Variants in CDH20 observed in about 807,000 individuals in gnomAD.
CDH20 encodes cadherin-20.
Under a neutral mutation model 74.2 loss-of-function variants are expected in CDH20, and 29 were observed. The observed-to-expected ratio is 0.39, with a 90% CI of 0.29 to 0.53. The LOEUF (loss-of-function observed/expected upper bound fraction) is 0.53, where lower values mean the gene tolerates loss of function less well. CDH20 is among the 20% of genes least tolerant of loss of function. The pLI is 0.69. For missense variants in CDH20, 988 were observed against 1,048.3 expected (o/e 0.94, Z 0.79); for synonymous variants, 469 against 405.4 (o/e 1.16, Z -1.88).
intron 7 of CDH20, among the ~76,000 whole-genome samples, chr18:61,533,792 T>G (rs1912730011): frequency 6.6e-6 from 1 of 152,212 alleles, no homozygotes; most frequent in South Asian, 2.1e-4. Context: ...TTAAGTTGAT[T>G]CTTGTATAAG....
chr18:61,406,786 T>C lies in CDH20; in HGVS notation c.-153+72959T>C, dbSNP rs575634875. Among the ~76,000 whole-genome samples, 8 of 152,288 alleles carry C rather than the reference T, an allele frequency of 5.3e-5. No homozygotes were observed. In the East Asian group the frequency reaches 1.5e-3, roughly 29 times the overall value. ...TACAGCAAGCAACAGTTTTGCACTT[T>C]ATGAAACATGAAATAAAGCCATAGT... On this transcript the variant is annotated intron_variant, in intron 1 of 11. Coordinates refer to ENST00000262717, the MANE Select transcript of CDH20 (RefSeq NM_031891.4).
At chr18:61,451,581 G>A (rs1408579994) in intron 1 of CDH20, among the ~76,000 whole-genome samples, 1 of 152,046 alleles carries the variant, frequency 6.6e-6, no homozygotes, top group Non-Finnish European at 1.5e-5. Flanking sequence ...TGCTGAAGCT[G>A]AAAGAGTTTT....
chr18:61,453,485 T>G (rs1444001085), intron 1 of CDH20, among the ~76,000 whole-genome samples: 2 of 152,166 alleles, frequency 1.3e-5, no homozygotes, highest in Non-Finnish European at 1.5e-5. Flanking sequence ...TTCACCATGT[T>G]GACCAGGCTG....
At position 61,453,006 on chromosome 18, in the gene CDH20, C is replaced by G. The variant is rs190892502; in HGVS notation, c.-152-37396C>G. Among the ~76,000 whole-genome samples, 633 of 152,298 alleles carry G rather than the reference C, an allele frequency of 4.2e-3. 3 individuals carry two copies. The highest frequency in any genetic ancestry group is 0.015 in the African/African-American group (620 of 41,548). ...AAGAAATAATACAGTGAGATCCTGA[C>G]TACCCTTTACCCCGTGCACCCCACT... On this transcript the variant is annotated intron_variant, in intron 1 of 11. Transcript: ENST00000262717.
At chr18:61,538,964 C>CAT in intron 8 of CDH20, 60 bp from the exon 9 acceptor site, 8 of 1,540,646 alleles carry the variant, frequency 5.2e-6, no homozygotes, top group Non-Finnish European at 7.1e-6. Context: ...AACCATTACT[C>CAT]TTTTTTTTCT....
chr18:61,338,087 C>A (rs146768526), intron 1 of CDH20, among the ~76,000 whole-genome samples: 1 of 152,178 alleles, frequency 6.6e-6, no homozygotes, highest in Non-Finnish European at 1.5e-5. Flanking sequence ...CTTTACTAAC[C>A]TTTAGTTTAT....
intron 6 of CDH20, among the ~76,000 whole-genome samples, chr18:61,516,763 G>A (rs1912016216): frequency 6.6e-6 from 1 of 152,148 alleles, no homozygotes; most frequent in South Asian, 2.1e-4. Flanking sequence ...TGAGCAGAGT[G>A]GTTGCAGCTT....
chr18:61,440,204 G>A (rs1405579003), intron 1 of CDH20, among the ~76,000 whole-genome samples: 1 of 152,126 alleles, frequency 6.6e-6, no homozygotes, highest in Non-Finnish European at 1.5e-5. Context: ...TTAGCCATGT[G>A]ACTTTCCTTT....
At chr18:61,342,800 T>A in intron 1 of CDH20, among the ~76,000 whole-genome samples, 1 of 152,226 alleles carries the variant, frequency 6.6e-6, no homozygotes, top group East Asian at 1.9e-4. Context: ...ATGTAGATAG[T>A]TCCCATGGTT....
At chr18:61,394,334 G>A (rs1279194306) in intron 1 of CDH20, among the ~76,000 whole-genome samples, 1 of 152,038 alleles carries the variant, frequency 6.6e-6, no homozygotes, top group Non-Finnish European at 1.5e-5. Flanking sequence ...TTGGAAATAG[G>A]GTTCTTACAG....
At chr18:61,385,622 AC>A (rs1386007985) in intron 1 of CDH20, among the ~76,000 whole-genome samples, 1 of 152,138 alleles carries the variant, frequency 6.6e-6, no homozygotes, top group African/African-American at 2.4e-5. Context: ...GAACACAAAG[AC>A]CCTGTATAAA....
At chr18:61,385,511 T>A (rs981211707) in intron 1 of CDH20, among the ~76,000 whole-genome samples, 1 of 151,298 alleles carries the variant, frequency 6.6e-6, no homozygotes, top group Non-Finnish European at 1.5e-5. Context: ...AGTAAAAATA[T>A]GTAATATCAA....
chr18:61,498,443 A>G (rs1911249488), intron 2 of CDH20, among the ~76,000 whole-genome samples: 1 of 152,036 alleles, frequency 6.6e-6, no homozygotes, highest in African/African-American at 2.4e-5. Context: ...GAGCAAATAT[A>G]GCTGCATGGT....
At chr18:61,408,041 T>C (rs1912386544) in intron 1 of CDH20, among the ~76,000 whole-genome samples, 1 of 152,238 alleles carries the variant, frequency 6.6e-6, no homozygotes, top group African/African-American at 2.4e-5. Context: ...ATGAGAACTC[T>C]CTGCACTATT....
chr18:61,374,110 G>C (rs545202157), intron 1 of CDH20, among the ~76,000 whole-genome samples: 67 of 152,068 alleles, frequency 4.4e-4, no homozygotes, highest in Non-Finnish European at 7.5e-4. Flanking sequence ...CAAATTCAGA[G>C]TGTGTGTATA....
chr18:61,497,623 A>G (rs1318401708), intron 2 of CDH20, among the ~76,000 whole-genome samples: 3 of 152,104 alleles, frequency 2.0e-5, no homozygotes, highest in Non-Finnish European at 4.4e-5. Context: ...GCCTTCCTAT[A>G]ATGGGAAAAG....
At chr18:61,456,982 C>T (rs929187848) in intron 1 of CDH20, among the ~76,000 whole-genome samples, 14 of 152,162 alleles carry the variant, frequency 9.2e-5, no homozygotes, top group African/African-American at 3.4e-4. Flanking sequence ...AAAGGCCCCA[C>T]CTTCTAGGGA....
At chr18:61,404,980 C>A in intron 1 of CDH20, 1 of 709,988 alleles carries the variant, frequency 1.4e-6, no homozygotes. Flanking sequence ...ATATTATTGC[C>A]ACTGTAGTGA....
chr18:61,385,088 T>C (rs1429734597), intron 1 of CDH20, among the ~76,000 whole-genome samples: 2 of 152,152 alleles, frequency 1.3e-5, no homozygotes, highest in Admixed American at 1.3e-4. Flanking sequence ...ATGCCCAACA[T>C]CTTACCTCCA....
Sources: gnomAD v4.1 joint callset for allele counts (sites outside exome capture counted in the v4.1 genomes callset) on GRCh38, gnomAD v4.1.1 for gene constraint, MANE v1.5 for transcripts, NCBI Gene and HGNC (gene_info 2026-07-23, HGNC 2026-07-21) for gene names.